ROR2: variants seen among roughly 807,000 people sequenced by gnomAD.
ROR2 encodes the protein ROR family WNT receptor 2, also known as tyrosine-protein kinase transmembrane receptor ROR2.
In ROR2, 33 loss-of-function variants were observed where a neutral mutation model predicts 74.9. The ratio of observed to expected loss-of-function variants is 0.44; its 90% CI spans 0.33 to 0.59. ROR2 has a LOEUF of 0.59. Among genes scored for constraint, ROR2 ranks in the 20% least tolerant of loss-of-function variants. ROR2 has a pLI of 0.02. For synonymous variants in ROR2, 586 were observed against 558.7 expected (o/e 1.05, Z -0.69); for missense variants, 1,216 against 1,313.8 (o/e 0.93, Z 1.15).
intron 1 of ROR2, among the ~76,000 whole-genome samples, chr9:91,818,115 A>G (rs1292373419): frequency 2.0e-5 from 3 of 152,194 alleles, no homozygotes; most frequent in Non-Finnish European, 4.4e-5. Flanking sequence ...GCAACTTTAA[A>G]GAATCATGAC....
At chr9:91,939,341 G>A (rs10992177) in intron 1 of ROR2, among the ~76,000 whole-genome samples, 7,706 of 152,206 alleles carry the variant, frequency 0.051, 481 homozygotes, top group East Asian at 0.24. Context: ...CCATGCTCCC[G>A]CATCATGGTT....
At chr9:91,874,648 G>A (rs1036887685) in intron 1 of ROR2, among the ~76,000 whole-genome samples, 2 of 152,118 alleles carry the variant, frequency 1.3e-5, no homozygotes, top group African/African-American at 4.8e-5. Context: ...AAGCAAGAAA[G>A]ACAACTGGGC....
chr9:91,756,244 T>C (rs1305101158), intron 3 of ROR2, 143 bp from the exon 4 acceptor site: 3 of 761,260 alleles, frequency 3.9e-6, no homozygotes, highest in Non-Finnish European at 7.1e-6. Context: ...GCTCCACTCG[T>C]GATTACGTCA....
intron 1 of ROR2, among the ~76,000 whole-genome samples, chr9:91,878,283 G>GCTT (rs1272161968): frequency 6.6e-6 from 1 of 152,112 alleles, no homozygotes; most frequent in Non-Finnish European, 1.5e-5. Context: ...CCTTTCCTGG[G>GCTT]CTTCAGGGTC....
intron 1 of ROR2, among the ~76,000 whole-genome samples, chr9:91,879,411 G>A (rs1830042535): frequency 6.6e-6 from 1 of 151,416 alleles, no homozygotes; most frequent in African/African-American, 2.4e-5. Context: ...TTTCTGAGTG[G>A]GAGTGGGTGT....
At chr9:91,880,505 A>T (rs1483958331) in intron 1 of ROR2, among the ~76,000 whole-genome samples, 1 of 152,230 alleles carries the variant, frequency 6.6e-6, no homozygotes, top group African/African-American at 2.4e-5. Flanking sequence ...ATCCATGAAT[A>T]TAGTGAGAGC....
intron 1 of ROR2, among the ~76,000 whole-genome samples, chr9:91,901,317 G>C (rs773828979): frequency 5.9e-5 from 9 of 152,086 alleles, no homozygotes; most frequent in Non-Finnish European, 1.3e-4. Flanking sequence ...GATACCTGTG[G>C]GATATCATGA....
chr9:91,910,822 C>A (rs925003713), intron 1 of ROR2, among the ~76,000 whole-genome samples: 9 of 152,078 alleles, frequency 5.9e-5, no homozygotes, highest in African/African-American at 1.4e-4. Context: ...TACCACCATG[C>A]CCAGCTAATT....
At chr9:91,806,102 G>A (rs954652378) in intron 1 of ROR2, among the ~76,000 whole-genome samples, 1 of 152,234 alleles carries the variant, frequency 6.6e-6, no homozygotes, top group African/African-American at 2.4e-5. Context: ...GTGGAGGGCT[G>A]AAGAAAGGAC....
At chr9:91,867,655 G>GCT (rs541333555) in intron 1 of ROR2, among the ~76,000 whole-genome samples, 4,462 of 112,518 alleles carry the variant, frequency 0.04, 91 homozygotes, top group Middle Eastern at 0.071. Flanking sequence ...CCACCCATGA[G>GCT]CTGTGTGTGT....
chr9:91,769,223 C>A (rs898366794), intron 2 of ROR2, among the ~76,000 whole-genome samples: 3 of 152,044 alleles, frequency 2.0e-5, no homozygotes, highest in Non-Finnish European at 4.4e-5. Flanking sequence ...AAATGTACCC[C>A]TAGCAATCCC....
chr9:91,750,948 A>G (rs1587684989), intron 4 of ROR2, among the ~76,000 whole-genome samples: 1 of 152,368 alleles, frequency 6.6e-6, no homozygotes, highest in East Asian at 1.9e-4. Context: ...AGATGCTGGC[A>G]ACATTTTAAG....
intron 1 of ROR2, among the ~76,000 whole-genome samples, chr9:91,824,494 G>A (rs1828225290): frequency 6.6e-6 from 1 of 152,220 alleles, no homozygotes; most frequent in South Asian, 2.1e-4. Flanking sequence ...CATTCAACAG[G>A]TCTACTTCAT....
intron 1 of ROR2, among the ~76,000 whole-genome samples, chr9:91,929,449 A>G (rs1181417867): frequency 6.6e-6 from 1 of 152,228 alleles, no homozygotes; most frequent in Non-Finnish European, 1.5e-5. Flanking sequence ...AAGTGCATCA[A>G]GGTGTAACCC....
chr9:91,929,958 T>C (rs1831508127), intron 1 of ROR2, among the ~76,000 whole-genome samples: 1 of 152,158 alleles, frequency 6.6e-6, no homozygotes, highest in Non-Finnish European at 1.5e-5. Flanking sequence ...TTTGTTTTCA[T>C]TCCCAGATCT....
chr9:91,926,527 C>T (rs1174883467), intron 1 of ROR2, among the ~76,000 whole-genome samples: 6 of 133,150 alleles, frequency 4.5e-5, no homozygotes, highest in African/African-American at 1.7e-4. Context: ...GCCTGGGCGA[C>T]AGAATGACTC....
chr9:91,833,707 C>T (rs1046996679), intron 1 of ROR2, among the ~76,000 whole-genome samples: 6 of 152,168 alleles, frequency 3.9e-5, no homozygotes, highest in Non-Finnish European at 7.3e-5. Context: ...TCTGCTCAGC[C>T]CCCGAGAGCT....
chr9:91,775,817 A>T lies in ROR2; in HGVS notation c.99T>A (p.Gly33=). Residue 33 remains glycine, a splice_region_variant and synonymous_variant, in exon 2 of 9, where the codon GGT becomes GGA. Coordinates refer to ENST00000375708, the MANE Select transcript of ROR2 (RefSeq NM_004560.4). ...ALLLSVSRTS[G]EVEVLDPNDP... is the part of the protein sequence containing the mutation. Reference sequence around the variant, plus strand: ...CGTTCGGATCCAGAACCTCCACTTCACCTGGGAAAAAGAAACCAGGATAGG... The same window carrying T: ...CGTTCGGATCCAGAACCTCCACTTCTCCTGGGAAAAAGAAACCAGGATAGG... 2.5e-6 allele frequency: 4 copies of T among 1,614,002 alleles called. No individual in the cohort carries two copies. The highest frequency in any genetic ancestry group is 3.4e-6 in the Non-Finnish European group (4 of 1,179,950).
At chr9:91,854,408 T>C (rs1364104778) in intron 1 of ROR2, among the ~76,000 whole-genome samples, 2 of 152,200 alleles carry the variant, frequency 1.3e-5, no homozygotes, top group Non-Finnish European at 1.5e-5. Flanking sequence ...GCATGGTCTT[T>C]TCTTGTCACA....
Sources: allele counts gnomAD v4.1 joint callset (sites outside exome capture counted in the v4.1 genomes callset), GRCh38; gene constraint gnomAD v4.1.1; transcripts MANE v1.5; gene names NCBI Gene and HGNC (gene_info 2026-07-23, HGNC 2026-07-21).